The following GPATCH8 variants were observed in gnomAD, a reference collection of about 807,000 sequenced individuals.
GPATCH8 encodes the protein G-patch domain containing 8.
A neutral mutation model predicts 118.3 loss-of-function variants in GPATCH8; 18 were observed. That is an observed-to-expected ratio of 0.15 (90% CI 0.11 to 0.23). The LOEUF is 0.23. GPATCH8 is among the 10% of genes least tolerant of loss of function. The pLI is 1.00. For missense variants in GPATCH8, 1,631 were observed against 1,873.8 expected (o/e 0.87, Z 2.39); for synonymous variants, 659 against 684.7 (o/e 0.96, Z 0.59).
At chr17:44,448,830 G>T (rs2051004495) in intron 3 of GPATCH8, among the ~76,000 whole-genome samples, 1 of 150,624 alleles carries the variant, frequency 6.6e-6, no homozygotes, top group Non-Finnish European at 1.5e-5. Context: ...AATACATTTT[G>T]GATAAATTTA....
intron 7 of GPATCH8, among the ~76,000 whole-genome samples, chr17:44,404,867 A>G (rs9897087): frequency 0.013 from 1,974 of 152,244 alleles, 44 homozygotes; most frequent in African/African-American, 0.045. Context: ...TAAAAAAAAA[A>G]GTTGATCTCA....
At chr17:44,497,973 C>T (rs947423361) in intron 1 of GPATCH8, among the ~76,000 whole-genome samples, 1 of 151,990 alleles carries the variant, frequency 6.6e-6, no homozygotes, top group African/African-American at 2.4e-5. Context: ...GAAAAACAGA[C>T]TGTCCTTTTA....
intron 1 of GPATCH8, 21 bp downstream of exon 1, chr17:44,503,305 C>G (rs1970235839): frequency 6.2e-7 from 1 of 1,603,404 alleles, no homozygotes; most frequent in African/African-American, 1.3e-5. Flanking sequence ...TCCCCGCATC[C>G]TCGGCGACGC....
intron 6 of GPATCH8, among the ~76,000 whole-genome samples, chr17:44,417,431 C>A (rs1032461389): frequency 1.3e-5 from 2 of 152,160 alleles, no homozygotes; most frequent in African/African-American, 2.4e-5. Flanking sequence ...GTTGCCCAGA[C>A]TGGTCTCGAA....
At chr17:44,467,307 G>T (rs2051807307) in intron 2 of GPATCH8, 4 of 247,478 alleles carry the variant, frequency 1.6e-5, no homozygotes, top group Non-Finnish European at 3.5e-5. Context: ...TGACAACAGT[G>T]AAAGGAAAAG....
rs1388451587 is a variant in GPATCH8 at position 44,395,725 on chromosome 17, T to A, written c.*1843A>T. ...TCATAAACTTTACTCTTTTGAGAATTTGCGAAGGCAGGAACAGAGCCTTGG... is the reference window on the plus strand; with the variant it reads ...TCATAAACTTTACTCTTTTGAGAATATGCGAAGGCAGGAACAGAGCCTTGG... On this transcript the variant is annotated 3_prime_UTR_variant, in exon 8 of 8. Transcript: ENST00000591680. 1 of 454,138 alleles carries A rather than the reference T, an allele frequency of 2.2e-6. No homozygotes were observed. 28.1% of individuals were successfully genotyped at this position (454,138 alleles called of 1,614,324 possible).
At chr17:44,497,881 A>G (rs1012224916) in intron 1 of GPATCH8, among the ~76,000 whole-genome samples, 2 of 152,066 alleles carry the variant, frequency 1.3e-5, no homozygotes, top group Non-Finnish European at 2.9e-5. Context: ...TGGAGACTGC[A>G]TGAGCCAAGA....
In GPATCH8 at chr17:44,400,236, C is replaced by T. The variant is rs1373318994; in HGVS notation, c.1841G>A (p.Ser614Asn). 2.5e-6 allele frequency: 4 copies of T among 1,614,054 alleles called. No individual in the cohort carries two copies. The highest frequency in any genetic ancestry group is 3.3e-5 in the Admixed American group (2 of 60,002). The change falls in exon 8 of 8, where the codon AGC becomes AAC. Residue 614 changes from serine to asparagine, a missense_variant. Physicochemically the swap from Ser to Asn is conservative, Grantham distance 46 (BLOSUM62 1). Coordinates refer to ENST00000591680, the MANE Select transcript of GPATCH8 (RefSeq NM_001002909.4). ...TATTTTCTCTCCGCCCACTTCCTTG[C>T]TTTTATTTGGCTCACCAGGATCTAG... The part of the protein sequence containing the change: ...QGLDPGEPNK[S>N]KEVGGEKIVR...
rs974852765 is a variant in GPATCH8 at position 44,401,112 on chromosome 17, T to C, written c.965A>G (p.His322Arg). ...ATCTTCAGAGGTCCCTTCCTCCGCA[T>C]GGTCCTTGAAAACTGATGCTATTGA... is the stretch of plus-strand genomic sequence containing the variant. ...LESIASVFKD[H>R]AEEGTSEDGT... is the part of the protein sequence containing the mutation. The change falls in exon 8 of 8, where the codon CAT (histidine) becomes CGT (arginine). Residue 322 changes from histidine to arginine, a missense_variant. By Grantham distance (29) the His-to-Arg change is conservative. Coordinates refer to ENST00000591680, the MANE Select transcript of GPATCH8 (RefSeq NM_001002909.4). 1.2e-6 allele frequency: 2 copies of C among 1,614,068 alleles called. No homozygotes were observed. Among genetic ancestry groups the C allele is most frequent in the African/African-American group, 1.3e-5 (1 of 74,946 alleles).
At chr17:44,451,631 A>T (rs546777880) in intron 3 of GPATCH8, among the ~76,000 whole-genome samples, 1 of 152,328 alleles carries the variant, frequency 6.6e-6, no homozygotes, top group East Asian at 1.9e-4. Context: ...CATAAGTTAC[A>T]GTATTTTCTT....
At chr17:44,462,964 GA>G (rs1243989568) in intron 3 of GPATCH8, among the ~76,000 whole-genome samples, 1 of 149,568 alleles carries the variant, frequency 6.7e-6, no homozygotes, top group African/African-American at 2.5e-5. Context: ...CTGGGCGACA[GA>G]GCGAGACTCC....
chr17:44,453,498 G>GTGTGTGTGTGTGTGTGT (rs1298562128), intron 3 of GPATCH8, among the ~76,000 whole-genome samples: 8,384 of 129,928 alleles, frequency 0.065, 439 homozygotes, highest in Non-Finnish European at 0.082. Context: ...TAGGTAGGTA[G>GTGTGTGTGTGTGTGTGT]GGGTGTGTGT....
In GPATCH8 at chr17:44,397,518, A is replaced by G. The variant is rs1326480776; in HGVS notation, c.*50T>C. 5 of 1,241,494 alleles carry G rather than the reference A, an allele frequency of 4.0e-6. No homozygotes were observed. The highest frequency in any genetic ancestry group is 3.6e-6 in the Non-Finnish European group (3 of 841,348). 76.9% of individuals were successfully genotyped at this position (1,241,494 alleles called of 1,614,324 possible). A position where few individuals can be genotyped will look rare whatever the true frequency, so the allele number is the denominator to read the frequency against. ...TTAATGGCTCAACACCCCCAAGGGA[A>G]CATTTATGGGTCTCCTCCCCTGGCC... On this transcript the variant is annotated 3_prime_UTR_variant, in exon 8 of 8. Coordinates refer to ENST00000591680, the MANE Select transcript of GPATCH8 (RefSeq NM_001002909.4).
intron 2 of GPATCH8, 194 bp downstream of exon 2, chr17:44,474,635 T>A: frequency 1.5e-6 from 1 of 672,636 alleles, no homozygotes; most frequent in Non-Finnish European, 2.7e-6. Flanking sequence ...CTAGATTTTT[T>A]TGGACTGATT....
At chr17:44,402,725 TC>T (rs1198686375) in intron 7 of GPATCH8, among the ~76,000 whole-genome samples, 6 of 152,340 alleles carry the variant, frequency 3.9e-5, no homozygotes, top group African/African-American at 1.2e-4. Context: ...CTTATGGCAG[TC>T]TGTGGTCAGC....
At chr17:44,454,384 A>G (rs569753165) in intron 3 of GPATCH8, among the ~76,000 whole-genome samples, 4 of 152,258 alleles carry the variant, frequency 2.6e-5, no homozygotes, top group African/African-American at 9.6e-5. Flanking sequence ...TAAACTTTTG[A>G]GTAGCTAGGA....
intron 6 of GPATCH8, among the ~76,000 whole-genome samples, chr17:44,406,496 T>TTGG (rs1555622783): frequency 4.7e-5 from 1 of 21,070 alleles, no homozygotes; most frequent in South Asian, 2.7e-3. Context: ...ACAGCTTACA[T>TTGG]GGGGGGGGGG....
chr17:44,446,517 G>A (rs2050888562), intron 3 of GPATCH8, among the ~76,000 whole-genome samples: 1 of 152,094 alleles, frequency 6.6e-6, no homozygotes, highest in Admixed American at 6.5e-5. Context: ...GTGAAGCCGA[G>A]TTCACACCAC....
chr17:44,402,026 A>T lies in GPATCH8; in HGVS notation c.624-573T>A, dbSNP rs972830907. On this transcript the variant is annotated intron_variant, in intron 7 of 7. Coordinates refer to ENST00000591680, the MANE Select transcript of GPATCH8 (RefSeq NM_001002909.4). ...CTCAAAAAAATTAAAAAAAAAAATA[A>T]AAAATAAAGTACAGGCCGGGCGCAG... Among the ~76,000 whole-genome samples, 15 of 149,378 alleles carry T rather than the reference A, an allele frequency of 1.0e-4. No individual in the cohort carries two copies. The South Asian group carries it at 1.1e-3, about 11-fold the overall frequency.
Sources: gnomAD v4.1 joint callset for allele counts (sites outside exome capture counted in the v4.1 genomes callset) on GRCh38, gnomAD v4.1.1 for gene constraint, MANE v1.5 for transcripts, NCBI Gene and HGNC (gene_info 2026-07-23, HGNC 2026-07-21) for gene names.